Variants in PIWIL3 observed in about 807,000 individuals in gnomAD.
The protein encoded by PIWIL3 is piwi like RNA-mediated gene silencing 3.
A neutral mutation model predicts 109.7 loss-of-function variants in PIWIL3; 101 were observed. The observed-to-expected ratio is 0.92, with a 90% confidence interval of 0.78 to 1.09. The LOEUF (loss-of-function observed/expected upper bound fraction) is 1.09. PIWIL3 is among the 50% of genes least tolerant of loss of function. The probability of loss-of-function intolerance (pLI) is 0.00; values close to 1 mark genes in which losing one functional copy is unlikely to be tolerated. For synonymous variants in PIWIL3, 373 were observed against 376.4 expected (o/e 0.99, Z 0.10); for missense variants, 1,031 against 1,072.6 (o/e 0.96, Z 0.54).
At chr22:24,757,791 G>A (rs949461420) in intron 4 of PIWIL3, 117 bp downstream of exon 4, 25 of 1,235,014 alleles carry the variant, frequency 2.0e-5, no homozygotes, top group Non-Finnish European at 2.5e-5. Flanking sequence ...AGGCTAAAGT[G>A]AGCATCACTG....
chr22:24,743,993 AAAAC>A (rs1449710090), intron 12 of PIWIL3, among the ~76,000 whole-genome samples: 2 of 151,958 alleles, frequency 1.3e-5, no homozygotes, highest in Admixed American at 6.6e-5. Flanking sequence ...ATGGATACAC[AAAAC>A]AAACAAGTTA....
Position 24,753,116 on chromosome 22 carries a change from T to C in PIWIL3, c.977+898A>G, listed in dbSNP as rs149926777. Among the ~76,000 whole-genome samples the C allele has an allele frequency of 2.7e-3, 413 of 152,364 alleles. 4 individuals are homozygous for C. The highest frequency in any genetic ancestry group is 9.4e-3 in the African/African-American group (390 of 41,592). ...AGTTTTTCCAGTTGTGTTTTCACAA[T>C]TTTGATAGTATAGTTTGAATAAGTT... On this transcript the variant is annotated intron_variant, in intron 8 of 20. Transcript: ENST00000616349.
intron 16 of PIWIL3, among the ~76,000 whole-genome samples, chr22:24,726,371 C>T (rs534574012): frequency 6.6e-6 from 1 of 152,110 alleles, no homozygotes; most frequent in East Asian, 1.9e-4. Context: ...CAAGCTCCAC[C>T]TCCCGGGTTC....
chr22:24,719,701 T>C lies in PIWIL3; in HGVS notation c.2505+47A>G, dbSNP rs368104028. Reference sequence around the variant, plus strand: ...AGGTCCAACATTGTTCAATGTTGAATAGTACATTTAAAAAATCTGAAGAAA... The same window carrying C: ...AGGTCCAACATTGTTCAATGTTGAACAGTACATTTAAAAAATCTGAAGAAA... On this transcript the variant is annotated intron_variant, in intron 20 of 20. Coordinates refer to ENST00000616349, the MANE Select transcript of PIWIL3 (RefSeq NM_001255975.1). 62 of 1,575,086 alleles carry C rather than the reference T, an allele frequency of 3.9e-5. No individual in the cohort carries two copies. The African/African-American group carries it at 8.0e-4, about 20-fold the overall frequency.
At chr22:24,765,148 C>T (rs749505429) in intron 1 of PIWIL3, among the ~76,000 whole-genome samples, 5 of 152,084 alleles carry the variant, frequency 3.3e-5, no homozygotes, top group South Asian at 4.2e-4. Context: ...AATTTGTCAG[C>T]GTTCTACCAG....
intron 2 of PIWIL3, among the ~76,000 whole-genome samples, 192 bp from the exon 3 acceptor site, chr22:24,760,181 A>G (rs921787210): frequency 1.3e-5 from 2 of 152,232 alleles, no homozygotes; most frequent in African/African-American, 4.8e-5. Context: ...AAACAAAAAA[A>G]GGACAAAACA....
chr22:24,725,603 T>C, intron 16 of PIWIL3, 88 bp from the exon 17 acceptor site: 1 of 1,243,532 alleles, frequency 8.0e-7, no homozygotes, highest in Non-Finnish European at 1.2e-6. Flanking sequence ...AAAATATTAC[T>C]ATCAGTAGTT....
At position 24,751,504 on chromosome 22, in the gene PIWIL3, G is replaced by A. The variant is rs1924709293; in HGVS notation, c.978-6C>T. 1 of 1,606,892 alleles carries A rather than the reference G, an allele frequency of 6.2e-7. No homozygotes were observed. Among genetic ancestry groups the A allele is most frequent in the Non-Finnish European group, 8.5e-7 (1 of 1,178,202 alleles). ...TGTAGGTTTTGTTGTTGTATCTGTGGAATAATTACAATATGGTATTATTTG... is the reference window on the plus strand; with the variant it reads ...TGTAGGTTTTGTTGTTGTATCTGTGAAATAATTACAATATGGTATTATTTG... On this transcript the variant is annotated splice_polypyrimidine_tract_variant and splice_region_variant and intron_variant, in intron 8 of 20. Transcript: ENST00000616349.
At chr22:24,768,203 T>C (rs1467086828) in intron 1 of PIWIL3, among the ~76,000 whole-genome samples, 1 of 152,068 alleles carries the variant, frequency 6.6e-6, no homozygotes, top group Non-Finnish European at 1.5e-5. Flanking sequence ...TATTTTGTTT[T>C]CCCTTTTTCT....
At chr22:24,749,378 C>T (rs1488225853) in intron 11 of PIWIL3, 26 bp downstream of exon 11, 1 of 1,612,118 alleles carries the variant, frequency 6.2e-7, no homozygotes, top group Non-Finnish European at 8.5e-7. Context: ...CATGTACACA[C>T]ACTCAGCCAG....
chr22:24,752,439 G>A (rs188575882), intron 8 of PIWIL3, among the ~76,000 whole-genome samples: 200 of 152,142 alleles, frequency 1.3e-3, no homozygotes, highest in African/African-American at 4.7e-3. Context: ...CAGCCTCTTC[G>A]CAGGCTATGT....
At chr22:24,725,548 A>G (rs774719030) in intron 16 of PIWIL3, 33 bp from the exon 17 acceptor site, 2 of 1,607,414 alleles carry the variant, frequency 1.2e-6, no homozygotes, top group East Asian at 2.2e-5. Flanking sequence ...TTTGGAAAAC[A>G]AGATTCTTAA....
At chr22:24,720,362 C>G (rs1922604415) in intron 19 of PIWIL3, among the ~76,000 whole-genome samples, 1 of 148,630 alleles carries the variant, frequency 6.7e-6, no homozygotes, top group African/African-American at 2.5e-5. Context: ...AGCTCTGCCT[C>G]CTGGGTTCAC....
intron 2 of PIWIL3, chr22:24,762,009 G>C (rs1210049285): frequency 1.0e-5 from 10 of 1,000,212 alleles, no homozygotes; most frequent in Non-Finnish European, 4.8e-6. Context: ...AGACAAAACA[G>C]GGCAGGCATA....
intron 18 of PIWIL3, among the ~76,000 whole-genome samples, chr22:24,723,937 C>A (rs566240359): frequency 6.6e-6 from 1 of 152,328 alleles, no homozygotes; most frequent in East Asian, 1.9e-4. Flanking sequence ...CTCGGCCTCC[C>A]AAAGTGCTGA....
chr22:24,728,295 G>A lies in PIWIL3; in HGVS notation c.1787C>T (p.Pro596Leu). ...KRYLCTKCPIPSQCVVKKTLE... is the reference protein window; with the variant it reads ...KRYLCTKCPILSQCVVKKTLE... The stretch of plus-strand genomic sequence containing the variant: ...GGTCTTTTTCACCACACACTGGCTT[G>A]GAATTGGGCATTTGGTACATAGGTA... The change falls in exon 15 of 21, where the codon CCA becomes CTA. Residue 596 changes from proline (P) to leucine (L), a missense_variant. By Grantham distance (98) the Pro-to-Leu change is moderately conservative. Transcript: ENST00000616349. 1 of 1,614,144 alleles carries A rather than the reference G, an allele frequency of 6.2e-7. No homozygotes were observed. The highest frequency in any genetic ancestry group is 8.5e-7 in the Non-Finnish European group (1 of 1,180,032).
At chr22:24,727,875 TATTA>T in intron 16 of PIWIL3, 71 bp downstream of exon 16, 1 of 1,193,690 alleles carries the variant, frequency 8.4e-7, no homozygotes, top group Non-Finnish European at 1.2e-6. Flanking sequence ...AGTTAACACA[TATTA>T]ATTAGGTTCA....
chr22:24,727,787 T>C (rs1039121983), intron 16 of PIWIL3, among the ~76,000 whole-genome samples, 163 bp downstream of exon 16: 3 of 152,242 alleles, frequency 2.0e-5, no homozygotes, highest in African/African-American at 7.2e-5. Context: ...CAAAATGTTC[T>C]GGGAACATAA....
chr22:24,748,924 C>T lies in PIWIL3; in HGVS notation c.1432G>A (p.Val478Met), dbSNP rs774452690. The T allele has an allele frequency of 3.4e-5, 55 of 1,611,624 alleles. No individual in the cohort carries two copies. The highest frequency in any genetic ancestry group is 4.5e-5 in the East Asian group (2 of 44,830). ...TGTCTTACCATTCTTCTGCCTTGCA[C>T]GATGTTTGCGTTTTTCAAAACTCTT... ...PGRVLKNANIVQGRRMVKANS... is the reference protein window; with the variant it reads ...PGRVLKNANIMQGRRMVKANS... Residue 478 changes from valine to methionine, a missense_variant, in exon 12 of 21, where the codon GTG becomes ATG. Coordinates refer to ENST00000616349, the MANE Select transcript of PIWIL3 (RefSeq NM_001255975.1).
Sources: allele counts gnomAD v4.1 joint callset (sites outside exome capture counted in the v4.1 genomes callset), GRCh38; gene constraint gnomAD v4.1.1; transcripts MANE v1.5; gene names NCBI Gene and HGNC (gene_info 2026-07-23, HGNC 2026-07-21).